The following CDH1 variants were observed in gnomAD, a reference collection of about 807,000 sequenced individuals.
The protein encoded by CDH1 is cadherin-1.
Under a neutral mutation model 84.5 loss-of-function variants are expected in CDH1, and 35 were observed. The ratio of observed to expected loss-of-function variants is 0.41; its 90% CI spans 0.32 to 0.55. CDH1 has a LOEUF of 0.55. CDH1 is among the 20% of genes least tolerant of loss of function. CDH1 has a pLI of 0.19. For synonymous variants in CDH1, 417 were observed against 439.0 expected, an observed-to-expected ratio of 0.95 and a Z score of 0.63; for missense variants, 994 against 1,126.6, an observed-to-expected ratio of 0.88 and a Z score of 1.68.
At chr16:68,769,745 T>G (rs111251358) in intron 2 of CDH1, among the ~76,000 whole-genome samples, 2,873 of 151,436 alleles carry the variant, frequency 0.019, 93 homozygotes, top group African/African-American at 0.065. Context: ...CCGGGCAACA[T>G]AGGGAGACCC....
intron 2 of CDH1, among the ~76,000 whole-genome samples, chr16:68,775,563 A>G (rs1165297302): frequency 1.3e-5 from 2 of 152,204 alleles, no homozygotes; most frequent in Non-Finnish European, 2.9e-5. Context: ...AGGAGCAGTT[A>G]CACATTTCTG....
chr16:68,766,382 G>A (rs541341912), intron 2 of CDH1, among the ~76,000 whole-genome samples: 4 of 152,320 alleles, frequency 2.6e-5, no homozygotes, highest in African/African-American at 9.6e-5. Context: ...ACTGCCGGAT[G>A]CACCGCTTCC....
chr16:68,804,824 C>CTTTTTTTTTTTTTTTTT (rs5817653), intron 3 of CDH1, among the ~76,000 whole-genome samples: 2 of 69,668 alleles, frequency 2.9e-5, no homozygotes, highest in Non-Finnish European at 4.9e-5. Flanking sequence ...GTAACAAAAT[C>CTTTTTTTTTTTTTTTTT]TTTTTTTTTT....
At chr16:68,745,975 G>T (rs1388533234) in intron 2 of CDH1, among the ~76,000 whole-genome samples, 1 of 152,008 alleles carries the variant, frequency 6.6e-6, no homozygotes, top group Non-Finnish European at 1.5e-5. Flanking sequence ...GCACCACTAC[G>T]CCTGGCAATT....
chr16:68,821,953 T>G (rs1332317534), intron 11 of CDH1, 48 bp from the exon 12 acceptor site: 2 of 1,438,358 alleles, frequency 1.4e-6, no homozygotes, highest in East Asian at 2.3e-5. Context: ...GCAATGGGGA[T>G]TCATTACTGT....
In CDH1 at chr16:68,829,674, G is replaced by T. The variant is rs1057523941; in HGVS notation, c.2316G>T (p.Leu772=). The change falls in exon 15 of 16, where the codon CTG becomes CTT. Residue 772 remains leucine, a synonymous_variant. Transcript: ENST00000261769. ...CAAAGGACTTTGACTTGAGCCAGCT[G>T]CACAGGGGCCTGGACGCTCGGCCTG... ...EEDQDFDLSQ[L]HRGLDARPEV... is the part of the protein sequence containing the mutation. The T allele has an allele frequency of 1.2e-6, 2 of 1,613,986 alleles. No homozygotes were observed. Among genetic ancestry groups the T allele is most frequent in the Non-Finnish European group, 1.7e-6 (2 of 1,180,022 alleles).
intron 14 of CDH1, among the ~76,000 whole-genome samples, chr16:68,829,285 T>C (rs887770974): frequency 2.6e-5 from 4 of 152,222 alleles, no homozygotes; most frequent in Non-Finnish European, 5.9e-5. Flanking sequence ...TACTGTCCCA[T>C]TGGCTAAGCA....
At chr16:68,789,481 A>G (rs924998890) in intron 2 of CDH1, among the ~76,000 whole-genome samples, 8 of 152,098 alleles carry the variant, frequency 5.3e-5, no homozygotes, top group East Asian at 1.9e-4. Flanking sequence ...TCTCTCTGCA[A>G]GGATGGGCTT....
rs765700023 is a variant in CDH1 at position 68,823,390 on chromosome 16, T to A, written c.1937-9T>A. ...TGGTCTCATCATTTCTTTTTATTGC[T>A]TTCTCCAGCCCAAGAATCTATCATT... On this transcript the variant is annotated splice_polypyrimidine_tract_variant and intron_variant, in intron 12 of 15. Coordinates refer to ENST00000261769, the MANE Select transcript of CDH1 (RefSeq NM_004360.5). 1.8e-5 allele frequency: 28 copies of A among 1,593,282 alleles called. 1 individual carries two copies. The South Asian group carries it at 3.0e-4, about 17-fold the overall frequency.
intron 2 of CDH1, among the ~76,000 whole-genome samples, chr16:68,752,846 G>A (rs898656120): frequency 2.0e-5 from 3 of 152,130 alleles, no homozygotes; most frequent in Non-Finnish European, 2.9e-5. Context: ...ATCTGAGCCC[G>A]CCAGAGCCAT....
intron 14 of CDH1, among the ~76,000 whole-genome samples, 180 bp from the exon 15 acceptor site, chr16:68,829,474 T>C (rs984411666): frequency 6.6e-6 from 1 of 152,210 alleles, no homozygotes; most frequent in Non-Finnish European, 1.5e-5. Flanking sequence ...CCATGTTTTT[T>C]TCCAGTGCTA....
At chr16:68,773,597 C>G (rs577433741) in intron 2 of CDH1, among the ~76,000 whole-genome samples, 1 of 152,362 alleles carries the variant, frequency 6.6e-6, no homozygotes, top group South Asian at 2.1e-4. Context: ...GTGCACCCAG[C>G]CTGCTCAAGT....
rs2152135146 is a variant in CDH1, at chr16:68,815,747, A to C, written c.1553A>C (p.Glu518Ala). 6.2e-7 allele frequency: 1 copy of C among 1,614,278 alleles called. No homozygotes were observed. The highest frequency in any genetic ancestry group is 8.5e-7 in the Non-Finnish European group (1 of 1,180,054). Residue 518 changes from glutamate to alanine, a missense_variant, in exon 10 of 16, where the codon GAA (glutamate) becomes GCA (alanine). Glu to Ala is a moderately radical substitution (Grantham distance 107). Coordinates refer to ENST00000261769, the MANE Select transcript of CDH1 (RefSeq NM_004360.5). ...YTAQEPDTFMEQKITYRIWRD... is the reference protein window; with the variant it reads ...YTAQEPDTFMAQKITYRIWRD... ...GCCCAGGAGCCAGACACATTTATGG[A>C]ACAGAAAATAACGTAAGTGTGAGGA...
intron 10 of CDH1, among the ~76,000 whole-genome samples, chr16:68,816,481 C>T (rs34022452): frequency 0.14 from 21,207 of 152,096 alleles, 3,109 homozygotes; most frequent in African/African-American, 0.37. Flanking sequence ...CATAGCAGCT[C>T]ATGCCTGTAA....
At chr16:68,808,322 C>T in intron 3 of CDH1, 102 bp from the exon 4 acceptor site, 1 of 1,165,556 alleles carries the variant, frequency 8.6e-7, no homozygotes, top group Non-Finnish European at 1.3e-6. Context: ...CTGTACACTG[C>T]CCACAGAAGG....
intron 2 of CDH1, among the ~76,000 whole-genome samples, chr16:68,758,175 C>A (rs1963067121): frequency 6.7e-6 from 1 of 148,768 alleles, no homozygotes; most frequent in Non-Finnish European, 1.5e-5. Context: ...CAACCCCACC[C>A]CATTTTGCCT....
intron 2 of CDH1, among the ~76,000 whole-genome samples, chr16:68,751,363 C>T (rs920722424): frequency 6.6e-6 from 1 of 152,160 alleles, no homozygotes; most frequent in African/African-American, 2.4e-5. Flanking sequence ...CACTCTTCTA[C>T]CTCAGGGCCT....
intron 3 of CDH1, among the ~76,000 whole-genome samples, chr16:68,805,446 C>T (rs1248071201): frequency 6.6e-6 from 1 of 152,230 alleles, no homozygotes; most frequent in Non-Finnish European, 1.5e-5. Flanking sequence ...TATTCATTCT[C>T]TGAAAATATT....
chr16:68,829,779 T>G lies in CDH1; in HGVS notation c.2421T>G (p.Ile807Met), dbSNP rs761852331. 1 of 1,613,958 alleles carries G rather than the reference T, an allele frequency of 6.2e-7. No homozygotes were observed. The highest frequency in any genetic ancestry group is 8.5e-7 in the Non-Finnish European group (1 of 1,180,012). Residue 807 changes from isoleucine to methionine, a missense_variant, in exon 15 of 16, where the codon ATT becomes ATG. Ile to Met is a conservative substitution (Grantham distance 10, BLOSUM62 1). Transcript: ENST00000261769. ...YLPRPANPDE[I>M]GNFIDENLKA... ...CCCGCCCTGCCAATCCCGATGAAAT[T>G]GGAAATTTTATTGATGAAGTAAGTA...
Sources: allele counts gnomAD v4.1 joint callset (sites outside exome capture counted in the v4.1 genomes callset), GRCh38; gene constraint gnomAD v4.1.1; transcripts MANE v1.5; gene names NCBI Gene and HGNC (gene_info 2026-07-23, HGNC 2026-07-21).